Variants in MAN2A2 observed in about 807,000 individuals in gnomAD.
MAN2A2 encodes the protein alpha-mannosidase 2x.
MAN2A2 carries 79 observed loss-of-function variants against 126.8 expected under a neutral mutation model. The observed-to-expected ratio is 0.62, with a 90% CI of 0.52 to 0.75. The LOEUF (loss-of-function observed/expected upper bound fraction) is 0.75. Among genes scored for constraint, MAN2A2 ranks in the 30% least tolerant of loss-of-function variants. The pLI, the probability that MAN2A2 is intolerant of heterozygous loss-of-function variation, is 0.00. For synonymous variants in MAN2A2, 671 were observed against 618.7 expected (o/e 1.08, Z -1.25); for missense variants, 1,392 against 1,522.4 (o/e 0.91, Z 1.43).
In MAN2A2 at chr15:90,911,040, G is replaced by A. The variant is rs562556150; in HGVS notation, c.1875+79G>A. 9.9e-5 allele frequency: 146 copies of A among 1,481,978 alleles called. No individual in the cohort carries two copies. The African/African-American group carries it at 1.1e-3, about 11-fold the overall frequency. The allele number at this position is 1,481,978 out of a possible 1,614,324, so 91.8% of individuals were successfully genotyped here. A position where few individuals can be genotyped will look rare whatever the true frequency, so the allele number is the denominator to read the frequency against. ...CCAAGAGCTGCTGGATGGGGGTGCC[G>A]CTTCTCTTTTTCCTTCCCCATCCGG... is the stretch of plus-strand genomic sequence containing the variant. On this transcript the variant is annotated intron_variant, in intron 12 of 22. Transcript: ENST00000559717.
chr15:90,904,089 T>A, intron 1 of MAN2A2, 101 bp from the exon 2 acceptor site: 1 of 1,353,214 alleles, frequency 7.4e-7, no homozygotes, highest in Non-Finnish European at 1.1e-6. Context: ...CAAATGGGTG[T>A]TCCTTTGGAA....
At chr15:90,903,061 G>C (rs1057475457), upstream of MAN2A2, 1 of 152,084 alleles carries the variant, frequency 6.6e-6, no homozygotes, top group Non-Finnish European at 1.5e-5. Context: ...GCGCCACTGC[G>C]GCGTCAGAGG....
chr15:90,916,312 C>T, intron 20 of MAN2A2, 56 bp downstream of exon 20: 12 of 1,584,672 alleles, frequency 7.6e-6, no homozygotes, highest in Non-Finnish European at 1.0e-5. Flanking sequence ...CTGGGGGTGG[C>T]CGGGGGGTCC....
rs143417684 is a variant in MAN2A2 at position 90,911,211 on chromosome 15, C to T, written c.1916C>T (p.Thr639Met). 42 of 1,613,932 alleles carry T rather than the reference C, an allele frequency of 2.6e-5. No homozygotes were observed. The highest frequency in any genetic ancestry group is 1.6e-4 in the Middle Eastern group (1 of 6,084). Residue 639 changes from threonine to methionine, a missense_variant, in exon 13 of 23, where the codon ACG becomes ATG. Coordinates refer to ENST00000559717, the MANE Select transcript of MAN2A2 (RefSeq NM_006122.4). ...RLSHDALPER[T>M]VIQLDSSPRF... The stretch of plus-strand genomic sequence containing the variant: ...AGTCACGACGCCCTCCCAGAGCGCA[C>T]GGTGATCCAGCTGGATTCCTCGCCC...
At chr15:90,904,836 C>A (rs1037343334) in intron 2 of MAN2A2, among the ~76,000 whole-genome samples, 3 of 152,226 alleles carry the variant, frequency 2.0e-5, no homozygotes, top group African/African-American at 7.2e-5. Context: ...CTCAGGTGAT[C>A]CACCCACCTT....
At position 90,905,572 on chromosome 15, in the gene MAN2A2, C is replaced by T. The variant is rs2034211764; in HGVS notation, c.391-7C>T. ...ACTGGGGTACTGAGCTGCAGTTCAC[C>T]TGGCAGATGCTCACTGTGTCGGAGG... On this transcript the variant is annotated splice_polypyrimidine_tract_variant and splice_region_variant and intron_variant, in intron 3 of 22. Transcript: ENST00000559717. 1.2e-6 allele frequency: 2 copies of T among 1,614,170 alleles called. No homozygotes were observed. The highest frequency in any genetic ancestry group is 1.7e-6 in the Non-Finnish European group (2 of 1,180,032).
Position 90,913,646 on chromosome 15 carries a change from C to G in MAN2A2, c.2751C>G (p.Pro917=). The G allele has an allele frequency of 1.2e-6, 2 of 1,612,722 alleles. No individual in the cohort carries two copies. The highest frequency in any genetic ancestry group is 1.7e-6 in the Non-Finnish European group (2 of 1,179,550). The change falls in exon 19 of 23, where the codon CCC becomes CCG. Residue 917 remains proline (P), a synonymous_variant. Coordinates refer to ENST00000559717, the MANE Select transcript of MAN2A2 (RefSeq NM_006122.4). ...CCCGACGGTATCTGAAGAAGCTCCCCCTCCAGGCCAACTTCTACCCCATGC... is the reference window on the plus strand; with the variant it reads ...CCCGACGGTATCTGAAGAAGCTCCCGCTCCAGGCCAACTTCTACCCCATGC... ...VQPRRYLKKL[P]LQANFYPMPV... is the part of the protein sequence containing the mutation.
chr15:90,910,904 G>A lies in MAN2A2; in HGVS notation c.1818G>A (p.Leu606=), dbSNP rs2034676294. Residue 606 remains leucine (L), a synonymous_variant, in exon 12 of 23, where the codon CTG becomes CTA. Coordinates refer to ENST00000559717, the MANE Select transcript of MAN2A2 (RefSeq NM_006122.4). ...KQVIIHAAHY[L]VLGDKETYHF... ...TCATCATTCATGCAGCCCACTATCTGGTGCTGGGGGACAAGGAGACCTACC... is the reference window on the plus strand; with the variant it reads ...TCATCATTCATGCAGCCCACTATCTAGTGCTGGGGGACAAGGAGACCTACC... The A allele has an allele frequency of 2.5e-6, 4 of 1,614,048 alleles. No homozygotes were observed. The South Asian group carries it at 4.4e-5, about 18-fold the overall frequency.
intron 2 of MAN2A2, 58 bp downstream of exon 2, chr15:90,904,397 GCACCTCCCACCCCGCCGCCTCCCCTCC>G: frequency 6.3e-7 from 1 of 1,577,094 alleles, no homozygotes; most frequent in Non-Finnish European, 8.6e-7. Flanking sequence ...CTCAGGGTAT[GCACCTCCCACCCCGCCGCCTCCCCTCC>G]CACCCCCCGC....
chr15:90,917,365 A>T (rs2035267582), intron 20 of MAN2A2, among the ~76,000 whole-genome samples: 1 of 152,218 alleles, frequency 6.6e-6, no homozygotes, highest in Admixed American at 6.5e-5. Context: ...GGAAAGGTCC[A>T]GGCTAAGGAA....
Position 90,906,371 on chromosome 15 carries a change from C to T in MAN2A2, c.709C>T (p.Leu237=). Residue 237 remains leucine, a splice_region_variant and synonymous_variant, in exon 6 of 23, where the codon CTG becomes TTG. Transcript: ENST00000559717. ...NVQKRAAVRR[L]VGNGQLEIAT... is the part of the protein sequence containing the mutation. ...CTGAGTGTGAGTCCTTAACTATAGG[C>T]TGGTGGGAAACGGGCAGCTGGAGAT... The T allele has an allele frequency of 6.2e-7, 1 of 1,614,092 alleles. No individual in the cohort carries two copies. The highest frequency in any genetic ancestry group is 8.5e-7 in the Non-Finnish European group (1 of 1,179,960).
chr15:90,919,222 C>T (rs1001844300), intron 22 of MAN2A2, among the ~76,000 whole-genome samples: 3 of 152,186 alleles, frequency 2.0e-5, no homozygotes, highest in South Asian at 2.1e-4. Flanking sequence ...TCAGCAAGCC[C>T]GTGAGACTGG....
rs1405096027 is a variant in MAN2A2 at position 90,911,407 on chromosome 15, C to T, written c.1966C>T (p.Leu656=). The change falls in exon 14 of 23, where the codon CTG becomes TTG. Residue 656 remains leucine (L), a synonymous_variant. Transcript: ENST00000559717. The part of the protein sequence containing the change: ...SPRFVVLFNP[L]EQERFSMVSL... Reference sequence around the variant, plus strand: ...CAGGTTTGTGGTCCTATTCAACCCACTGGAACAGGAGCGATTCAGCATGGT... The same window carrying T: ...CAGGTTTGTGGTCCTATTCAACCCATTGGAACAGGAGCGATTCAGCATGGT... 1.9e-6 allele frequency: 3 copies of T among 1,614,132 alleles called. No individual in the cohort carries two copies. Among genetic ancestry groups the T allele is most frequent in the Non-Finnish European group, 2.5e-6 (3 of 1,180,044 alleles).
In MAN2A2 at chr15:90,905,945, C is replaced by G; in HGVS notation, c.636C>G (p.Leu212=). ...KLQEDPRRRF[L]WAEVSFFAKW... ...AGGAGGACCCCCGGCGGCGCTTCCT[C>G]TGGGCAGAGGTCTCCTTCTTCGCCA... Residue 212 remains leucine, a synonymous_variant, in exon 5 of 23, where the codon CTC becomes CTG. Transcript: ENST00000559717. 5 of 1,613,924 alleles carry G rather than the reference C, an allele frequency of 3.1e-6. No homozygotes were observed. Among genetic ancestry groups the G allele is most frequent in the Non-Finnish European group, 4.2e-6 (5 of 1,179,880 alleles).
At chr15:90,913,584 G>T in intron 18 of MAN2A2, 30 bp from the exon 19 acceptor site, 1 of 1,596,878 alleles carries the variant, frequency 6.3e-7, no homozygotes, top group South Asian at 1.1e-5. Flanking sequence ...GTGCCCGGGT[G>T]CCCTTGATCT....
intron 1 of MAN2A2, 162 bp from the exon 2 acceptor site, chr15:90,904,028 G>C: frequency 2.7e-6 from 2 of 749,648 alleles, no homozygotes. Flanking sequence ...GCTGCTACCA[G>C]GACCAGGTGG....
At position 90,919,866 on chromosome 15, in the gene MAN2A2, G is replaced by GTA; in HGVS notation, c.*81_*82dup. ...GAAGATCATTGGACAAGCCACACGG[G>GTA]TATCCCATCCCGATCTGCCTCCCAG... is the stretch of plus-strand genomic sequence containing the variant. On this transcript the variant is annotated 3_prime_UTR_variant, in exon 23 of 23. Transcript: ENST00000559717. 6.5e-7 allele frequency: 1 copy of GTA among 1,529,262 alleles called. No individual in the cohort carries two copies. 94.7% of individuals were successfully genotyped at this position (1,529,262 alleles called of 1,614,324 possible).
At chr15:90,915,057 G>T (rs148917673) in intron 19 of MAN2A2, among the ~76,000 whole-genome samples, 1 of 152,224 alleles carries the variant, frequency 6.6e-6, no homozygotes, top group Non-Finnish European at 1.5e-5. Flanking sequence ...GCAAGTTCGG[G>T]GGCCTGACTC....
intron 20 of MAN2A2, 191 bp downstream of exon 20, chr15:90,916,447 T>C: frequency 9.2e-7 from 1 of 1,083,724 alleles, no homozygotes; most frequent in Non-Finnish European, 1.3e-6. Context: ...CACCTTCCTC[T>C]CCCAGCAGCG....
Sources: allele counts gnomAD v4.1 joint callset (sites outside exome capture counted in the v4.1 genomes callset), GRCh38; gene constraint gnomAD v4.1.1; transcripts MANE v1.5; gene names NCBI Gene and HGNC (gene_info 2026-07-23, HGNC 2026-07-21).